The following MTNAP1 variants were observed in gnomAD, a reference collection of about 807,000 sequenced individuals.
The protein encoded by MTNAP1 is mitochondrial nucleoid-associated protein 1.
the MTNAP1 span, chr17:73,242,332 C>T: frequency 1.3e-6 from 2 of 1,595,270 alleles, no homozygotes; most frequent in Non-Finnish European, 1.7e-6. Context: ...TAATGAGGCT[C>T]TTGGGAGCTG....
chr17:73,241,953 T>G, the MTNAP1 span, among the ~76,000 whole-genome samples: 2,137 of 152,146 alleles, frequency 0.014, 19 homozygotes, highest in Non-Finnish European at 0.024. Context: ...TGTAAGAGAC[T>G]CACTTCATGA....
At chr17:73,242,534 C>T in the MTNAP1 span, among the ~76,000 whole-genome samples, 2 of 152,144 alleles carry the variant, frequency 1.3e-5, no homozygotes. Context: ...AGCACCAAAG[C>T]TAATAACAGC....
At chr17:73,239,580 A>G in the MTNAP1 span, among the ~76,000 whole-genome samples, 1 of 146,854 alleles carries the variant, frequency 6.8e-6, no homozygotes, top group Non-Finnish European at 1.5e-5. Context: ...GTGCAATGGC[A>G]CAATCACGGC....
At chr17:73,234,769 A>G in the MTNAP1 span, among the ~76,000 whole-genome samples, 5 of 61,832 alleles carry the variant, frequency 8.1e-5, no homozygotes, top group Non-Finnish European at 1.2e-4. Flanking sequence ...CATTTTATGT[A>G]TATCTGTGTG....
the MTNAP1 span, among the ~76,000 whole-genome samples, chr17:73,239,978 T>C: frequency 6.6e-6 from 1 of 152,146 alleles, no homozygotes; most frequent in Non-Finnish European, 1.5e-5. Flanking sequence ...AACCTGGAGG[T>C]ATTAACTACT....
At chr17:73,243,147 T>C in the MTNAP1 span, 1 of 714,450 alleles carries the variant, frequency 1.4e-6, no homozygotes, top group Non-Finnish European at 2.5e-6. Context: ...AGCTATTGCC[T>C]GGGGTTTCTG....
chr17:73,245,328 T>C, the MTNAP1 span: 9 of 1,397,298 alleles, frequency 6.4e-6, no homozygotes, highest in African/African-American at 1.3e-4. Context: ...AAGAATAAAA[T>C]TATTGGAATC....
the MTNAP1 span, chr17:73,242,388 G>T: frequency 7.3e-7 from 1 of 1,370,040 alleles, no homozygotes; most frequent in Non-Finnish European, 1.0e-6. Flanking sequence ...TCTGTTGCAG[G>T]TTCTGGGCAT....
chr17:73,244,268 A>G, the MTNAP1 span, among the ~76,000 whole-genome samples: 1 of 152,058 alleles, frequency 6.6e-6, no homozygotes, highest in Admixed American at 6.5e-5. Context: ...ACAATCAAAA[A>G]CCAGTATTTT....
At chr17:73,236,428 A>T in the MTNAP1 span, 1 of 1,614,210 alleles carries the variant, frequency 6.2e-7, no homozygotes, top group Non-Finnish European at 8.5e-7. Flanking sequence ...TGCAGAGAAA[A>T]GTATGTCTGC....
the MTNAP1 span, chr17:73,236,853 C>A: frequency 6.2e-7 from 1 of 1,614,138 alleles, no homozygotes; most frequent in Non-Finnish European, 8.5e-7. Flanking sequence ...AGACTCTTCG[C>A]AGCTGCATGG....
At chr17:73,242,586 C>G in the MTNAP1 span, among the ~76,000 whole-genome samples, 5 of 152,178 alleles carry the variant, frequency 3.3e-5, no homozygotes, top group East Asian at 9.6e-4. Context: ...TACCTACCCC[C>G]AACTTTCCCT....
At chr17:73,246,223 A>G in the MTNAP1 span, among the ~76,000 whole-genome samples, 1 of 152,114 alleles carries the variant, frequency 6.6e-6, no homozygotes, top group African/African-American at 2.4e-5. Flanking sequence ...AGTTCCTCTT[A>G]TGTCCCAGCT....
the MTNAP1 span, among the ~76,000 whole-genome samples, chr17:73,238,285 T>G: frequency 2.8e-4 from 11 of 38,632 alleles, no homozygotes; most frequent in African/African-American, 7.1e-4. Flanking sequence ...TACCTGTCGT[T>G]TGTAAAGTAG....
At chr17:73,235,361 G>T in the MTNAP1 span, 1 of 888,256 alleles carries the variant, frequency 1.1e-6, no homozygotes, top group East Asian at 2.7e-5. Flanking sequence ...TGCTGTAACC[G>T]TAAGTAGCAA....
chr17:73,248,686 G>C, the MTNAP1 span: 5 of 794,746 alleles, frequency 6.3e-6, no homozygotes, highest in Admixed American at 1.1e-4. Flanking sequence ...TACAAGTTGG[G>C]AATATTCACG....
At chr17:73,247,195 C>G in the MTNAP1 span, 1 of 1,562,836 alleles carries the variant, frequency 6.4e-7, no homozygotes, top group Non-Finnish European at 8.8e-7. Context: ...CGACAGAAAC[C>G]ATATGCCCTG....
the MTNAP1 span, chr17:73,247,365 C>G: frequency 5.0e-6 from 8 of 1,611,536 alleles, no homozygotes; most frequent in Non-Finnish European, 5.9e-6. Flanking sequence ...GTAGGAGAAG[C>G]CTTCGTGACT....
At chr17:73,239,108 G>T in the MTNAP1 span, among the ~76,000 whole-genome samples, 1 of 151,544 alleles carries the variant, frequency 6.6e-6, no homozygotes, top group African/African-American at 2.4e-5. Flanking sequence ...GGCTAATTTT[G>T]TATTTTTAGT....
Sources: allele counts gnomAD v4.1 joint callset (sites outside exome capture counted in the v4.1 genomes callset), GRCh38; gene constraint gnomAD v4.1.1; transcripts MANE v1.5; gene names NCBI Gene and HGNC (gene_info 2026-07-23, HGNC 2026-07-21).